RASSF5: variants seen among roughly 807,000 people sequenced by gnomAD.
RASSF5 encodes the protein Ras association domain family member 5, also known as ras association domain-containing protein 5.
Under a neutral mutation model 40.5 loss-of-function variants are expected in RASSF5, and 25 were observed. That is an observed-to-expected ratio of 0.62 (90% CI 0.45 to 0.86). The LOEUF (loss-of-function observed/expected upper bound fraction) is 0.86. RASSF5 is among the 40% of genes least tolerant of loss of function. The pLI is 0.00. For missense variants in RASSF5, 521 were observed against 572.8 expected (o/e 0.91, Z 0.92); for synonymous variants, 246 against 252.4 (o/e 0.97, Z 0.24).
Position 206,586,883 on chromosome 1 carries a change from G to C in RASSF5, c.1162G>C (p.Glu388Gln), listed in dbSNP as rs782502649. 1.9e-6 allele frequency: 3 copies of C among 1,613,990 alleles called. No individual in the cohort carries two copies. The highest frequency in any genetic ancestry group is 1.7e-6 in the Non-Finnish European group (2 of 1,180,020). ...CTTCCTAACAATCCTGGAAAAAGAG[G>C]AGCAGGACAAAATCCAACAAGTGCA... ...QNFLTILEKE[E>Q]QDKIQQVQKK... is the part of the protein sequence containing the mutation. Residue 388 changes from glutamate to glutamine, a missense_variant, in exon 6 of 6, where the codon GAG becomes CAG. Glu to Gln is a conservative substitution (Grantham distance 29). Transcript: ENST00000579436.
intron 1 of RASSF5, among the ~76,000 whole-genome samples, chr1:206,518,703 C>T (rs1666826693): frequency 6.6e-6 from 1 of 152,146 alleles, no homozygotes; most frequent in South Asian, 2.1e-4. Context: ...AGGACAAAGG[C>T]ACAGGTGCTG....
intron 2 of RASSF5, among the ~76,000 whole-genome samples, chr1:206,549,472 CT>C (rs1256037947): frequency 5.3e-5 from 8 of 152,186 alleles, no homozygotes; most frequent in African/African-American, 1.9e-4. Flanking sequence ...ATGCTAATAT[CT>C]GTGTCAGTTG....
At chr1:206,553,450 AAT>A (rs1307774774) in intron 2 of RASSF5, among the ~76,000 whole-genome samples, 4 of 152,156 alleles carry the variant, frequency 2.6e-5, no homozygotes, top group African/African-American at 4.8e-5. Flanking sequence ...AATCTCAGTT[AAT>A]GGCACTCATC....
chr1:206,557,771 C>T (rs1347990778), intron 2 of RASSF5: 7 of 1,514,178 alleles, frequency 4.6e-6, no homozygotes, highest in Non-Finnish European at 4.5e-6. Context: ...GGAAACCTTG[C>T]TCCCAGCAAA....
intron 2 of RASSF5, among the ~76,000 whole-genome samples, chr1:206,574,232 C>T (rs372196777): frequency 6.6e-6 from 1 of 152,166 alleles, no homozygotes; most frequent in Non-Finnish European, 1.5e-5. Context: ...GAGGAGTCTG[C>T]GGGAGTGGCC....
intron 1 of RASSF5, among the ~76,000 whole-genome samples, chr1:206,519,337 T>C (rs545049065): frequency 1.1e-4 from 16 of 152,324 alleles, no homozygotes; most frequent in African/African-American, 3.8e-4. Context: ...TTGGATTCCT[T>C]CCGCTGTCTC....
chr1:206,540,427 G>A (rs1553399227), intron 2 of RASSF5, among the ~76,000 whole-genome samples: 1 of 152,270 alleles, frequency 6.6e-6, no homozygotes, highest in East Asian at 1.9e-4. Flanking sequence ...ATCAGGGCTT[G>A]TCTAGAGCAG....
chr1:206,526,852 A>G (rs1213055548), intron 1 of RASSF5, among the ~76,000 whole-genome samples: 1 of 152,070 alleles, frequency 6.6e-6, no homozygotes, highest in Non-Finnish European at 1.5e-5. Context: ...AGCTGGGTGG[A>G]CTCAGGCATC....
intron 5 of RASSF5, 82 bp downstream of exon 5, chr1:206,585,377 A>G (rs1048812752): frequency 1.0e-6 from 1 of 994,676 alleles, no homozygotes. Flanking sequence ...ACTACCTCAC[A>G]TAGGTGGGAG....
At chr1:206,545,545 G>C (rs999547578) in intron 2 of RASSF5, among the ~76,000 whole-genome samples, 1 of 151,824 alleles carries the variant, frequency 6.6e-6, no homozygotes, top group Non-Finnish European at 1.5e-5. Flanking sequence ...GTCTTGCTCT[G>C]TTGCCCAGGC....
At chr1:206,548,088 A>G (rs1427036740) in intron 2 of RASSF5, among the ~76,000 whole-genome samples, 1 of 151,846 alleles carries the variant, frequency 6.6e-6, no homozygotes, top group Non-Finnish European at 1.5e-5. Flanking sequence ...TTGCTTCACT[A>G]CCTCCTCACT....
intron 2 of RASSF5, among the ~76,000 whole-genome samples, chr1:206,575,399 G>C (rs978688700): frequency 6.6e-6 from 1 of 152,174 alleles, no homozygotes; most frequent in African/African-American, 2.4e-5. Flanking sequence ...AATGGCTTCC[G>C]GGGTATTTTT....
At chr1:206,554,065 C>T (rs1254480450) in intron 2 of RASSF5, among the ~76,000 whole-genome samples, 2 of 152,182 alleles carry the variant, frequency 1.3e-5, no homozygotes, top group South Asian at 2.1e-4. Context: ...ATTATTAGTA[C>T]AGTGCCTGCA....
At chr1:206,569,501 A>G (rs782199974) in intron 2 of RASSF5, among the ~76,000 whole-genome samples, 1 of 152,244 alleles carries the variant, frequency 6.6e-6, no homozygotes, top group Non-Finnish European at 1.5e-5. Flanking sequence ...CAAGGGAAGA[A>G]GCCTTGGCTG....
intron 2 of RASSF5, among the ~76,000 whole-genome samples, chr1:206,577,322 G>C (rs2103560604): frequency 6.6e-6 from 1 of 152,174 alleles, no homozygotes; most frequent in East Asian, 1.9e-4. Context: ...AAGGACTCAA[G>C]GAAAATGAAA....
chr1:206,540,606 G>C (rs1553399259), intron 2 of RASSF5, among the ~76,000 whole-genome samples: 1 of 152,236 alleles, frequency 6.6e-6, no homozygotes, highest in Admixed American at 6.5e-5. Flanking sequence ...GCAGAACTGG[G>C]GCAGGACCCA....
chr1:206,564,250 G>A (rs1384227788), intron 2 of RASSF5, among the ~76,000 whole-genome samples: 1 of 152,104 alleles, frequency 6.6e-6, no homozygotes, highest in Admixed American at 6.5e-5. Flanking sequence ...TTCCCCTAGG[G>A]AGGGGTCAGA....
chr1:206,585,307 C>T lies in RASSF5; in HGVS notation c.1104+12C>T, dbSNP rs1553407387. The stretch of plus-strand genomic sequence containing the variant: ...CTGGAGAGGTAGAGGTAGGTCTGGA[C>T]CCATTGTGCAAACCCAGGCCTTAGG... On this transcript the variant is annotated intron_variant, in intron 5 of 5. Transcript: ENST00000579436. 9.3e-6 allele frequency: 15 copies of T among 1,607,158 alleles called. No individual in the cohort carries two copies. The highest frequency in any genetic ancestry group is 1.3e-5 in the Non-Finnish European group (15 of 1,173,672).
At chr1:206,561,635 A>G (rs564638895) in intron 2 of RASSF5, among the ~76,000 whole-genome samples, 1 of 149,554 alleles carries the variant, frequency 6.7e-6, no homozygotes, top group Admixed American at 6.6e-5. Context: ...AAGGTTGACT[A>G]TATCTACAGT....
Sources: gnomAD v4.1 joint callset for allele counts (sites outside exome capture counted in the v4.1 genomes callset) on GRCh38, gnomAD v4.1.1 for gene constraint, MANE v1.5 for transcripts, NCBI Gene and HGNC (gene_info 2026-07-23, HGNC 2026-07-21) for gene names.